ADCY4: variants seen among roughly 807,000 people sequenced by gnomAD.
The protein encoded by ADCY4 is adenylate cyclase type 4.
Under a neutral mutation model 125.5 loss-of-function variants are expected in ADCY4, and 111 were observed. That is an observed-to-expected ratio of 0.88 (90% CI 0.76 to 1.04). The LOEUF (loss-of-function observed/expected upper bound fraction) is 1.04. ADCY4 is among the 50% of genes least tolerant of loss of function. The pLI is 0.00. For synonymous variants in ADCY4, 576 were observed against 586.9 expected (o/e 0.98, Z 0.27); for missense variants, 1,256 against 1,382.9 (o/e 0.91, Z 1.46).
At chr14:24,326,448 A>G (rs899510436) in intron 10 of ADCY4, 106 bp from the exon 11 acceptor site, 11 of 1,345,234 alleles carry the variant, frequency 8.2e-6, no homozygotes, top group Non-Finnish European at 1.1e-5. Context: ...GACCTTGGGC[A>G]TTTCACTGGG....
chr14:24,331,282 C>T lies in ADCY4; in HGVS notation c.744G>A (p.Gln248=). The change falls in exon 5 of 25, where the codon CAG becomes CAA. Residue 248 remains glutamine, a synonymous_variant. Transcript: ENST00000418030. ...TCTCTGGCCGTGACCCCTGTCCTGC[C>T]TGCAGCCGTGCCATGATCTCTGCCT... ...EMKAEIMARL[Q]AGQGSRPEST... is the part of the protein sequence containing the mutation. 1 of 1,614,192 alleles carries T rather than the reference C, an allele frequency of 6.2e-7. No individual in the cohort carries two copies. The highest frequency in any genetic ancestry group is 8.5e-7 in the Non-Finnish European group (1 of 1,180,036).
chr14:24,330,584 T>C (rs1224175472), intron 6 of ADCY4: 1 of 371,394 alleles, frequency 2.7e-6, no homozygotes, highest in Non-Finnish European at 5.0e-6. Flanking sequence ...GGTCTCAGGA[T>C]TGAGAGGTTG....
At chr14:24,321,541 T>C (rs988592586) in intron 20 of ADCY4, among the ~76,000 whole-genome samples, 1 of 152,196 alleles carries the variant, frequency 6.6e-6, no homozygotes, top group Non-Finnish European at 1.5e-5. Context: ...TTACTTTTAA[T>C]GGCAAAAACT....
chr14:24,333,079 G>T, intron 1 of ADCY4, 91 bp from the exon 2 acceptor site: 2 of 1,292,964 alleles, frequency 1.5e-6, no homozygotes, highest in Middle Eastern at 2.3e-4. Context: ...CCTCAGCCCA[G>T]TTCTGAAAGG....
At chr14:24,325,189 G>A in intron 14 of ADCY4, among the ~76,000 whole-genome samples, 188 bp downstream of exon 14, 1 of 134,778 alleles carries the variant, frequency 7.4e-6, no homozygotes, top group African/African-American at 3.4e-5. Flanking sequence ...TGTGTAGAAA[G>A]TCCACAGGAT....
Position 24,331,820 on chromosome 14 carries a change from G to A in ADCY4, c.637C>T (p.Arg213Cys). The A allele has an allele frequency of 1.3e-6, 2 of 1,595,140 alleles. No individual in the cohort carries two copies. The highest frequency in any genetic ancestry group is 1.1e-5 in the South Asian group (1 of 90,326). Residue 213 changes from arginine to cysteine, a missense_variant, in exon 4 of 25, where the codon CGC becomes TGC. Physicochemically the swap from Arg to Cys is radical, Grantham distance 180 (BLOSUM62 -3). Transcript: ENST00000418030. ...FREALSSLHSRRRLDTEKKHQ... is the reference protein window; with the variant it reads ...FREALSSLHSCRRLDTEKKHQ... ...TTCTTCTCGGTGTCCAGCCGCCGGC[G>A]TGAGTGCAGGGAGCTGAGTGCCTCC... is the stretch of plus-strand genomic sequence containing the variant.
chr14:24,322,309 C>T, intron 19 of ADCY4, 85 bp from the exon 20 acceptor site: 1 of 1,473,762 alleles, frequency 6.8e-7, no homozygotes, highest in Non-Finnish European at 9.2e-7. Context: ...TCCATGATGC[C>T]TGAAACCACC....
At position 24,325,368 on chromosome 14, in the gene ADCY4, C is replaced by T. The variant is rs776545093; in HGVS notation, c.1823+9G>A. 4 of 1,611,834 alleles carry T rather than the reference C, an allele frequency of 2.5e-6. No homozygotes were observed. The highest frequency in any genetic ancestry group is 2.2e-5 in the South Asian group (2 of 91,026). On this transcript the variant is annotated intron_variant, in intron 14 of 24. Coordinates refer to ENST00000418030, the MANE Select transcript of ADCY4 (RefSeq NM_001198568.2). ...CAGCCAGGGCCTCCTTTGCCTGGGG[C>T]ACTCTCACCTGTTTGTCACTAGCAT...
In ADCY4 at chr14:24,318,696, C is replaced by A. The variant is rs1161597103; in HGVS notation, c.3039G>T (p.Val1013=). The A allele has an allele frequency of 1.2e-6, 2 of 1,614,058 alleles. No homozygotes were observed. Among genetic ancestry groups the A allele is most frequent in the African/African-American group, 2.7e-5 (2 of 74,914 alleles). Residue 1013 remains valine, a synonymous_variant, in exon 24 of 25, where the codon GTG becomes GTT. Coordinates refer to ENST00000418030, the MANE Select transcript of ADCY4 (RefSeq NM_001198568.2). ...QYDIWGNTVN[V]ASRMESTGVL... is the part of the protein sequence containing the mutation. Reference sequence around the variant, plus strand: ...CTCCTGTACTCTCCATGCGGCTGGCCACGTTCACTGTGTTGCCCCAAATGT... The same window carrying A: ...CTCCTGTACTCTCCATGCGGCTGGCAACGTTCACTGTGTTGCCCCAAATGT...
rs775601446 is a variant in ADCY4 at position 24,331,052 on chromosome 14, T to C, written c.896A>G (p.Asn299Ser). ...CTGGTCGAACTTGCCAAAGAGCTCA[T>C]TGAGCATGAGCACCAGCTCCTTAGG... ...CSPKELVLML[N>S]ELFGKFDQIA... is the part of the protein sequence containing the mutation. Residue 299 changes from asparagine to serine, a missense_variant, in exon 6 of 25, where the codon AAT becomes AGT. Physicochemically the swap from Asn to Ser is conservative, Grantham distance 46. Coordinates refer to ENST00000418030, the MANE Select transcript of ADCY4 (RefSeq NM_001198568.2). 3.1e-6 allele frequency: 5 copies of C among 1,612,584 alleles called. No individual in the cohort carries two copies. In the African/African-American group the frequency reaches 5.3e-5, roughly 17 times the overall value.
intron 3 of ADCY4, 32 bp from the exon 4 acceptor site, chr14:24,331,969 G>A: frequency 2.6e-6 from 4 of 1,513,912 alleles, no homozygotes; most frequent in Non-Finnish European, 1.8e-6. Context: ...AGAGGGCGCG[G>A]GACCCGGGTG....
Position 24,319,029 on chromosome 14 carries a change from G to T in ADCY4, c.2956+69C>A. ...GATGAACTGGGAGCAGCTAACAAAGGACTTGGAGTGGGGCAAGCTCAGGAA... is the reference window on the plus strand; with the variant it reads ...GATGAACTGGGAGCAGCTAACAAAGTACTTGGAGTGGGGCAAGCTCAGGAA... On this transcript the variant is annotated intron_variant, in intron 23 of 24. Transcript: ENST00000418030. This position sits in a 1 kb window ranked among gnomAD's most constrained non-coding sequence, Gnocchi z 4.5. 6.4e-7 allele frequency: 1 copy of T among 1,564,310 alleles called. No homozygotes were observed. The highest frequency in any genetic ancestry group is 1.1e-5 in the South Asian group (1 of 87,958).
At position 24,318,766 on chromosome 14, in the gene ADCY4, C is replaced by G. The variant is rs2041807734; in HGVS notation, c.2969G>C (p.Gly990Ala). 3 of 1,614,022 alleles carry G rather than the reference C, an allele frequency of 1.9e-6. No individual in the cohort carries two copies. The highest frequency in any genetic ancestry group is 2.2e-5 in the East Asian group (1 of 44,870). The change falls in exon 24 of 25, where the codon GGA (glycine) becomes GCA (alanine). Residue 990 changes from glycine (G) to alanine (A), a missense_variant. Coordinates refer to ENST00000418030, the MANE Select transcript of ADCY4 (RefSeq NM_001198568.2). The part of the protein sequence containing the change: ...NFRLRVGLNH[G>A]PVVAGVIGAQ... ...CCCAATAACTCCAGCTACTACGGGTCCATGGTTCAACCCTAATGAGGGATG... is the reference window on the plus strand; with the variant it reads ...CCCAATAACTCCAGCTACTACGGGTGCATGGTTCAACCCTAATGAGGGATG...
At position 24,322,690 on chromosome 14, in the gene ADCY4, C is replaced by G; in HGVS notation, c.2361G>C (p.Glu787Asp). 1.2e-6 allele frequency: 2 copies of G among 1,614,136 alleles called. No homozygotes were observed. Among genetic ancestry groups the G allele is most frequent in the Non-Finnish European group, 1.7e-6 (2 of 1,180,014 alleles). The change falls in exon 19 of 25, where the codon GAG becomes GAC. Residue 787 changes from glutamate to aspartate, a missense_variant. Physicochemically the swap from Glu to Asp is conservative, Grantham distance 45. Coordinates refer to ENST00000418030, the MANE Select transcript of ADCY4 (RefSeq NM_001198568.2). ...AGGAGATAGCACCCATCAGTTTGGGCTCCTTCAGCACTCCGGGCCTGAAGG... is the reference window on the plus strand; with the variant it reads ...AGGAGATAGCACCCATCAGTTTGGGGTCCTTCAGCACTCCGGGCCTGAAGG... ...PLDSRPGVLK[E>D]PKLMGAISFF...
At chr14:24,322,839 T>C (rs1384444564) in intron 18 of ADCY4, 65 bp downstream of exon 18, 5 of 1,541,028 alleles carry the variant, frequency 3.2e-6, no homozygotes, top group Non-Finnish European at 4.4e-6. Flanking sequence ...CCAGGACAGC[T>C]CTGCTGTATC....
intron 8 of ADCY4, 76 bp from the exon 9 acceptor site, chr14:24,329,609 G>T (rs899006535): frequency 6.7e-7 from 1 of 1,488,654 alleles, no homozygotes; most frequent in Non-Finnish European, 8.9e-7. Context: ...CACCCCCATG[G>T]CTCCTAGAAC....
chr14:24,329,967 G>A lies in ADCY4; in HGVS notation c.1110C>T (p.His370=). The A allele has an allele frequency of 1.9e-6, 3 of 1,614,146 alleles. No individual in the cohort carries two copies. The highest frequency in any genetic ancestry group is 2.2e-5 in the East Asian group (1 of 44,884). ...GVDINMRVGV[H]SGSVLCGVIG... is the part of the protein sequence containing the mutation. ...TGACTCCACACAGTACGCTGCCTGA[G>A]TGCACGCCCACACGCATGTTGATGT... The change falls in exon 8 of 25, where the codon CAC becomes CAT. Residue 370 remains histidine, a synonymous_variant. Coordinates refer to ENST00000418030, the MANE Select transcript of ADCY4 (RefSeq NM_001198568.2).
rs1225874255 is a variant in ADCY4, at chr14:24,318,734, T to G, written c.3001A>C (p.Lys1001Gln). The G allele has an allele frequency of 6.2e-7, 1 of 1,614,176 alleles. No individual in the cohort carries two copies. Among genetic ancestry groups the G allele is most frequent in the South Asian group, 1.1e-5 (1 of 91,084 alleles). ...TTGCCCCAAATGTCATATTGCGGCT[T>G]CTGGGCCCCAATAACTCCAGCTACT... is the stretch of plus-strand genomic sequence containing the variant. Reference protein sequence around the residue: ...PVVAGVIGAQKPQYDIWGNTV... With the variant: ...PVVAGVIGAQQPQYDIWGNTV... Residue 1001 changes from lysine to glutamine, a missense_variant, in exon 24 of 25, where the codon AAG becomes CAG. Physicochemically the swap from Lys to Gln is moderately conservative, Grantham distance 53. Coordinates refer to ENST00000418030, the MANE Select transcript of ADCY4 (RefSeq NM_001198568.2).
intron 17 of ADCY4, 87 bp from the exon 18 acceptor site, chr14:24,323,175 C>A: frequency 6.7e-7 from 1 of 1,493,266 alleles, no homozygotes. Context: ...CCCTCCCAGG[C>A]CCAGGTCCTA....
Sources: gnomAD v4.1 joint callset for allele counts (sites outside exome capture counted in the v4.1 genomes callset) on GRCh38, gnomAD v4.1.1 for gene constraint, Gnocchi (gnomAD v3.1) non-coding constraint, MANE v1.5 for transcripts, NCBI Gene and HGNC (gene_info 2026-07-23, HGNC 2026-07-21) for gene names.